The following CDK14 variants were observed in gnomAD, a reference collection of about 807,000 sequenced individuals.
CDK14 encodes the protein cyclin dependent kinase 14, also known as cyclin-dependent kinase 14.
CDK14 carries 34 observed loss-of-function variants against 60.7 expected under a neutral mutation model. The ratio of observed to expected loss-of-function variants is 0.56; its 90% CI spans 0.43 to 0.75. CDK14 has a LOEUF of 0.75. CDK14 is among the 30% of genes least tolerant of loss of function. The probability of loss-of-function intolerance (pLI) is 0.00; values close to 1 mark genes in which losing one functional copy is unlikely to be tolerated. For synonymous variants in CDK14, 197 were observed against 203.7 expected, an observed-to-expected ratio of 0.97 and a Z score of 0.28; for missense variants, 482 against 564.1, an observed-to-expected ratio of 0.85 and a Z score of 1.47.
At chr7:91,169,542 C>G (rs1392082645) in intron 14 of CDK14, among the ~76,000 whole-genome samples, 1 of 152,168 alleles carries the variant, frequency 6.6e-6, no homozygotes, top group Non-Finnish European at 1.5e-5. Flanking sequence ...GGGCCAAGTA[C>G]CCTCTCCCTT....
intron 5 of CDK14, among the ~76,000 whole-genome samples, chr7:90,803,514 AC>A (rs1164490711): frequency 6.6e-6 from 1 of 152,118 alleles, no homozygotes; most frequent in Non-Finnish European, 1.5e-5. Context: ...AGTCAGGGTG[AC>A]TTCCAGGATT....
At chr7:91,167,504 T>C (rs547334815) in intron 14 of CDK14, among the ~76,000 whole-genome samples, 1 of 152,336 alleles carries the variant, frequency 6.6e-6, no homozygotes, top group Non-Finnish European at 1.5e-5. Flanking sequence ...AACAGCTAAC[T>C]GCCCAGCTGA....
intron 13 of CDK14, among the ~76,000 whole-genome samples, chr7:91,116,575 T>G (rs1250612670): frequency 2.6e-5 from 4 of 152,196 alleles, no homozygotes; most frequent in Non-Finnish European, 5.9e-5. Context: ...CTATGCTGTC[T>G]TTTTAAAAAT....
At chr7:90,922,662 T>G (rs575033906) in intron 8 of CDK14, among the ~76,000 whole-genome samples, 2 of 152,340 alleles carry the variant, frequency 1.3e-5, no homozygotes, top group African/African-American at 4.8e-5. Flanking sequence ...ATCAGTTACC[T>G]TAATCATTTA....
rs535574413 is a variant in CDK14 at position 90,943,491 on chromosome 7, G to A, written c.827-12206G>A. ...TATCTAAAATTTAAATATCATATTA[G>A]ATAAAATTTGAGAAAAATTGATTAG... On this transcript the variant is annotated intron_variant, in intron 8 of 14. Coordinates refer to ENST00000380050, the MANE Select transcript of CDK14 (RefSeq NM_001287135.2). Among the ~76,000 whole-genome samples the A allele has an allele frequency of 3.9e-5, 6 of 152,226 alleles. No homozygotes were observed. The East Asian group carries it at 1.2e-3, about 29-fold the overall frequency.
intron 4 of CDK14, among the ~76,000 whole-genome samples, chr7:90,783,648 T>C (rs989795477): frequency 6.6e-6 from 1 of 152,110 alleles, no homozygotes; most frequent in Non-Finnish European, 1.5e-5. Context: ...AAAGAAGAGA[T>C]ATGCATGTTC....
intron 12 of CDK14, among the ~76,000 whole-genome samples, chr7:91,088,556 A>G (rs1472958483): frequency 1.4e-5 from 2 of 146,542 alleles, no homozygotes; most frequent in East Asian, 2.0e-4. Context: ...GAAGTCTCAT[A>G]GAGTTTATAT....
chr7:90,750,663 A>G lies in CDK14; in HGVS notation c.464+2888A>G, dbSNP rs201883494. On this transcript the variant is annotated intron_variant, in intron 4 of 14. Coordinates refer to ENST00000380050, the MANE Select transcript of CDK14 (RefSeq NM_001287135.2). ...CAAGGCGAGCGGATCATCTGAGGTCAGGAGTTTGAAACCAGCCTGGCCAAT... is the reference window on the plus strand; with the variant it reads ...CAAGGCGAGCGGATCATCTGAGGTCGGGAGTTTGAAACCAGCCTGGCCAAT... Among the ~76,000 whole-genome samples the G allele has an allele frequency of 1.9e-4, 29 of 152,336 alleles. No individual in the cohort carries two copies. In the East Asian group the frequency reaches 5.4e-3, roughly 28 times the overall value.
chr7:91,191,899 C>T (rs1802374659), intron 14 of CDK14, among the ~76,000 whole-genome samples: 1 of 151,898 alleles, frequency 6.6e-6, no homozygotes, highest in Non-Finnish European at 1.5e-5. Context: ...GTGCAAATTA[C>T]CTTGAACACC....
At chr7:90,888,314 C>T (rs1268667731) in intron 6 of CDK14, among the ~76,000 whole-genome samples, 10 of 152,092 alleles carry the variant, frequency 6.6e-5, no homozygotes, top group Non-Finnish European at 1.5e-4. Context: ...GGCACCACTG[C>T]ACTCCAACCT....
At chr7:90,823,968 A>C (rs2117086277) in intron 5 of CDK14, among the ~76,000 whole-genome samples, 1 of 152,334 alleles carries the variant, frequency 6.6e-6, no homozygotes, top group African/African-American at 2.4e-5. Context: ...CTCTCCAAAC[A>C]ATAACTCAAA....
At chr7:90,807,628 C>A in intron 5 of CDK14, among the ~76,000 whole-genome samples, 1 of 152,190 alleles carries the variant, frequency 6.6e-6, no homozygotes. Flanking sequence ...ATGACTTTGA[C>A]AAGTTGAGAG....
intron 4 of CDK14, among the ~76,000 whole-genome samples, chr7:90,751,738 A>G (rs1803854770): frequency 6.6e-6 from 1 of 152,176 alleles, no homozygotes; most frequent in Non-Finnish European, 1.5e-5. Context: ...AAGTTGGATT[A>G]AGGAAAGAAA....
In CDK14 at chr7:91,045,886, C is replaced by T. The variant is rs1391968673; in HGVS notation, c.1042-11C>T. The T allele has an allele frequency of 1.3e-6, 2 of 1,590,928 alleles. No homozygotes were observed. Among genetic ancestry groups the T allele is most frequent in the Non-Finnish European group, 1.7e-6 (2 of 1,159,302 alleles). ...ATAAGGCTGTTTCCACAATCTCCTA[C>T]TCTCCACTAGGTTCTTGGAACACCA... On this transcript the variant is annotated splice_polypyrimidine_tract_variant and intron_variant, in intron 10 of 14. Transcript: ENST00000380050.
At chr7:91,019,714 A>G (rs1470012275) in intron 10 of CDK14, among the ~76,000 whole-genome samples, 2 of 152,170 alleles carry the variant, frequency 1.3e-5, no homozygotes, top group South Asian at 2.1e-4. Context: ...TGCTTTTAGC[A>G]TAGTGATTAC....
chr7:90,866,233 T>TGC (rs1554358739), intron 6 of CDK14, among the ~76,000 whole-genome samples: 49 of 140,374 alleles, frequency 3.5e-4, no homozygotes, highest in Admixed American at 2.2e-3. Flanking sequence ...CACATACACA[T>TGC]ACACACACAC....
chr7:90,742,107 A>T (rs1464946890), intron 3 of CDK14, among the ~76,000 whole-genome samples: 1 of 151,984 alleles, frequency 6.6e-6, no homozygotes, highest in African/African-American at 2.4e-5. Context: ...TTGTTTAATT[A>T]GTTAGTTAAT....
At chr7:90,932,917 C>T (rs1465112419) in intron 8 of CDK14, among the ~76,000 whole-genome samples, 2 of 152,202 alleles carry the variant, frequency 1.3e-5, no homozygotes, top group African/African-American at 4.8e-5. Flanking sequence ...GAATATTCCA[C>T]AACAAAGTGA....
chr7:90,606,602 C>T (rs1274608267), intron 2 of CDK14, among the ~76,000 whole-genome samples: 7 of 152,184 alleles, frequency 4.6e-5, no homozygotes, highest in Non-Finnish European at 1.5e-5. Context: ...AGATATTCCT[C>T]TAACATTTCA....
Sources: allele counts gnomAD v4.1 joint callset (sites outside exome capture counted in the v4.1 genomes callset), GRCh38; gene constraint gnomAD v4.1.1; transcripts MANE v1.5; gene names NCBI Gene and HGNC (gene_info 2026-07-23, HGNC 2026-07-21).